The following NACA2 variants were observed in gnomAD, a reference collection of about 807,000 sequenced individuals.
NACA2 encodes the protein nascent polypeptide-associated complex subunit alpha-2.
NACA2 carries 9 observed loss-of-function variants against 15.6 expected under a neutral mutation model. The ratio of observed to expected loss-of-function variants is 0.58; its 90% CI spans 0.35 to 1.00. The LOEUF (loss-of-function observed/expected upper bound fraction) is 1.00. NACA2 is among the 50% of genes least tolerant of loss of function. NACA2 has a pLI of 0.02. For synonymous variants in NACA2, 111 were observed against 100.5 expected, an observed-to-expected ratio of 1.10 and a Z score of -0.62; for missense variants, 258 against 257.5, an observed-to-expected ratio of 1.00 and a Z score of -0.01.
Position 61,591,184 on chromosome 17 carries a change from G to A in NACA2, c.-4C>T, listed in dbSNP as rs772127520. 5 of 1,614,210 alleles carry A rather than the reference G, an allele frequency of 3.1e-6. No homozygotes were observed. In the South Asian group the frequency reaches 4.4e-5, roughly 14 times the overall value. On this transcript the variant is annotated 5_prime_UTR_variant, in exon 1 of 1. Coordinates refer to ENST00000521764, the MANE Select transcript of NACA2 (RefSeq NM_199290.4). The stretch of plus-strand genomic sequence containing the variant: ...TTTCTGTGGCTTCGCCCGGCATTTT[G>A]TGCAGGGAACGCGGAAGCAAGATGG...
chr17:61,590,686 C>A lies in NACA2; in HGVS notation c.495G>T (p.Glu165Asp). 1 of 1,614,182 alleles carries A rather than the reference C, an allele frequency of 6.2e-7. No homozygotes were observed. The highest frequency in any genetic ancestry group is 8.5e-7 in the Non-Finnish European group (1 of 1,180,046). Reference protein sequence around the residue: ...ENTQTPTVQEESEEEEVDETG... With the variant: ...ENTQTPTVQEDSEEEEVDETG... ...TTTCATCGACCTCTTCCTCTTCACT[C>A]TCCTCTTGTACAGTTGGAGTCTGTG... The change falls in exon 1 of 1, where the codon GAG becomes GAT. Residue 165 changes from glutamate (E) to aspartate (D), a missense_variant. Coordinates refer to ENST00000521764, the MANE Select transcript of NACA2 (RefSeq NM_199290.4).
At position 61,590,565 on chromosome 17, in the gene NACA2, T is replaced by C. The variant is rs149784405; in HGVS notation, c.616A>G (p.Ile206Val). 9 of 1,614,082 alleles carry C rather than the reference T, an allele frequency of 5.6e-6. No individual in the cohort carries two copies. The African/African-American group carries it at 1.2e-4, about 22-fold the overall frequency. Residue 206 changes from isoleucine to valine, a missense_variant, in exon 1 of 1, where the codon ATT (isoleucine) becomes GTT (valine). By Grantham distance (29) the Ile-to-Val change is conservative (BLOSUM62 3). Transcript: ENST00000521764. ...GTTAATTCCATAATCGCATTTACAA[T>C]ATCATTACTGTTGTTCTTCAGAGCT... is the stretch of plus-strand genomic sequence containing the variant. Reference protein sequence around the residue: ...VRALKNNSNDIVNAIMELTV With the variant: ...VRALKNNSNDVVNAIMELTV
chr17:61,591,104 C>T lies in NACA2; in HGVS notation c.77G>A (p.Gly26Glu), dbSNP rs1403348752. Residue 26 changes from glycine to glutamate, a missense_variant, in exon 1 of 1, where the codon GGA becomes GAA. By Grantham distance (98) the Gly-to-Glu change is moderately conservative. Transcript: ENST00000521764. ...TGATTCACCACTATCAGATGCTGTT[C>T]CAGACCCTGTCTCAGCCTGGGACTG... ...LPQSQAETGS[G>E]TASDSGESVP... 1.9e-6 allele frequency: 3 copies of T among 1,614,152 alleles called. No individual in the cohort carries two copies. Among genetic ancestry groups the T allele is most frequent in the Admixed American group, 1.7e-5 (1 of 60,010 alleles).
rs554328773 is a variant in NACA2, at chr17:61,591,029, G to C, written c.152C>G (p.Ala51Gly). The C allele has an allele frequency of 3.1e-6, 5 of 1,614,212 alleles. No homozygotes were observed. Among genetic ancestry groups the C allele is most frequent in the Non-Finnish European group, 4.2e-6 (5 of 1,180,044 alleles). The change falls in exon 1 of 1, where the codon GCC (alanine) becomes GGC (glycine). Residue 51 changes from alanine (A) to glycine (G), a missense_variant. Ala to Gly is a moderately conservative substitution (Grantham distance 60). Coordinates refer to ENST00000521764, the MANE Select transcript of NACA2 (RefSeq NM_199290.4). The part of the protein sequence containing the change: ...QDSTQTTTQK[A>G]WLVAAAEIDE... ...AATTTCAGCTGCTGCCACCAGCCAG[G>C]CTTTTTGTGTGGTGGTCTGGGTGGA...
Position 61,590,646 on chromosome 17 carries a change from T to C in NACA2, c.535A>G (p.Lys179Glu). 1 of 1,614,224 alleles carries C rather than the reference T, an allele frequency of 6.2e-7. No homozygotes were observed. The highest frequency in any genetic ancestry group is 8.5e-7 in the Non-Finnish European group (1 of 1,180,034). ...EEVDETGVEVKDVKLVMSQAN... is the reference protein window; with the variant it reads ...EEVDETGVEVEDVKLVMSQAN... ...TGTGACATGACCAATTTCACGTCTT[T>C]AACTTCTACACCTGTTTCATCGACC... The change falls in exon 1 of 1, where the codon AAA (lysine) becomes GAA (glutamate). Residue 179 changes from lysine to glutamate, a missense_variant. Lys to Glu is a moderately conservative substitution (Grantham distance 56). Transcript: ENST00000521764.
Position 61,590,581 on chromosome 17 carries a change from C to G in NACA2, c.600G>C (p.Lys200Asn). 6.2e-7 allele frequency: 1 copy of G among 1,614,182 alleles called. No homozygotes were observed. The highest frequency in any genetic ancestry group is 1.1e-5 in the South Asian group (1 of 91,074). ...CATTTACAATATCATTACTGTTGTTCTTCAGAGCTCGGACTGCCTTTGCTC... is the reference window on the plus strand; with the variant it reads ...CATTTACAATATCATTACTGTTGTTGTTCAGAGCTCGGACTGCCTTTGCTC... ...VSRAKAVRAL[K>N]NNSNDIVNAI... The change falls in exon 1 of 1, where the codon AAG (lysine) becomes AAC (asparagine). Residue 200 changes from lysine (K) to asparagine (N), a missense_variant. Coordinates refer to ENST00000521764, the MANE Select transcript of NACA2 (RefSeq NM_199290.4).
In NACA2 at chr17:61,591,074, GGTACT is replaced by G; in HGVS notation, c.102_106del (p.Val35ArgfsTer3). On this transcript the variant is annotated frameshift_variant, in exon 1 of 1. Coordinates refer to ENST00000521764, the MANE Select transcript of NACA2 (RefSeq NM_199290.4). LOFTEE classifies it high-confidence loss of function. The stretch of plus-strand genomic sequence containing the variant: ...GGTGGAATCCTGTTCTTCAATCCCT[GGTACT>G]GATTCACCACTATCAGATGCTGTTC... 6.2e-7 allele frequency: 1 copy of G among 1,614,238 alleles called. No individual in the cohort carries two copies. The highest frequency in any genetic ancestry group is 1.3e-5 in the African/African-American group (1 of 75,058).
chr17:61,591,219 G>C lies in NACA2; in HGVS notation c.-39C>G. The C allele has an allele frequency of 6.2e-7, 1 of 1,613,170 alleles. No homozygotes were observed. Among genetic ancestry groups the C allele is most frequent in the East Asian group, 2.2e-5 (1 of 44,882 alleles). On this transcript the variant is annotated 5_prime_UTR_variant, in exon 1 of 1. Coordinates refer to ENST00000521764, the MANE Select transcript of NACA2 (RefSeq NM_199290.4). ...CGCGGAAGCAAGATGGCGGCAGAAA[G>C]AGCGCGAGCGAGAGCGTGACCCACG...
rs1176790278 is a variant in NACA2 at position 61,590,748 on chromosome 17, C to A, written c.433G>T (p.Val145Phe). 1.2e-6 allele frequency: 2 copies of A among 1,614,084 alleles called. No homozygotes were observed. Among genetic ancestry groups the A allele is most frequent in the Admixed American group, 3.3e-5 (2 of 60,000 alleles). The change falls in exon 1 of 1, where the codon GTT becomes TTT. Residue 145 changes from valine (V) to phenylalanine (F), a missense_variant. By Grantham distance (50) the Val-to-Phe change is conservative. Coordinates refer to ENST00000521764, the MANE Select transcript of NACA2 (RefSeq NM_199290.4). ...AQLAAAEKFRVQGEAVGNIQE... is the reference protein window; with the variant it reads ...AQLAAAEKFRFQGEAVGNIQE... ...ATGTTTCCGACAGCTTCACCTTGAACTCTGAATTTCTCCGCAGCTGCTAGT... is the reference window on the plus strand; with the variant it reads ...ATGTTTCCGACAGCTTCACCTTGAAATCTGAATTTCTCCGCAGCTGCTAGT...
chr17:61,590,973 T>G lies in NACA2; in HGVS notation c.208A>C (p.Ser70Arg). 6.2e-7 allele frequency: 1 copy of G among 1,614,244 alleles called. No individual in the cohort carries two copies. The highest frequency in any genetic ancestry group is 8.5e-7 in the Non-Finnish European group (1 of 1,180,048). The change falls in exon 1 of 1, where the codon AGT (serine) becomes CGT (arginine). Residue 70 changes from serine to arginine, a missense_variant. Physicochemically the swap from Ser to Arg is moderately radical, Grantham distance 110. Coordinates refer to ENST00000521764, the MANE Select transcript of NACA2 (RefSeq NM_199290.4). ...DEEPVGKAKQ[S>R]RSEKRARKAM... ...TTCCGTGCCCTCTTTTCACTCCGACTCTGTTTTGCTTTACCGACTGGTTCT... is the reference window on the plus strand; with the variant it reads ...TTCCGTGCCCTCTTTTCACTCCGACGCTGTTTTGCTTTACCGACTGGTTCT...
In NACA2 at chr17:61,591,195, G is replaced by A. The variant is rs1422776080; in HGVS notation, c.-15C>T. On this transcript the variant is annotated 5_prime_UTR_variant, in exon 1 of 1. Coordinates refer to ENST00000521764, the MANE Select transcript of NACA2 (RefSeq NM_199290.4). ...TCGCCCGGCATTTTGTGCAGGGAAC[G>A]CGGAAGCAAGATGGCGGCAGAAAGA... 2.2e-5 allele frequency: 35 copies of A among 1,613,970 alleles called. No homozygotes were observed. The highest frequency in any genetic ancestry group is 1.1e-4 in the East Asian group (5 of 44,894).
Position 61,590,944 on chromosome 17 carries a change from A to G in NACA2, c.237T>C (p.Ala79=). 6.2e-7 allele frequency: 1 copy of G among 1,614,252 alleles called. No homozygotes were observed. Among genetic ancestry groups the G allele is most frequent in the South Asian group, 1.1e-5 (1 of 91,086 alleles). Residue 79 remains alanine (A), a synonymous_variant, in exon 1 of 1, where the codon GCT becomes GCC. Transcript: ENST00000521764. ...CCTGTAGAAGACCCAGTTTGGACAT[A>G]GCCTTCCGTGCCCTCTTTTCACTCC... The part of the protein sequence containing the change: ...QSRSEKRARK[A]MSKLGLLQVT...
Position 61,590,687 on chromosome 17 carries a change from T to G in NACA2, c.494A>C (p.Glu165Ala). The G allele has an allele frequency of 6.2e-7, 1 of 1,614,198 alleles. No homozygotes were observed. Among genetic ancestry groups the G allele is most frequent in the East Asian group, 2.2e-5 (1 of 44,880 alleles). The change falls in exon 1 of 1, where the codon GAG becomes GCG. Residue 165 changes from glutamate (E) to alanine (A), a missense_variant. Transcript: ENST00000521764. ...TTCATCGACCTCTTCCTCTTCACTC[T>G]CCTCTTGTACAGTTGGAGTCTGTGT... The part of the protein sequence containing the change: ...ENTQTPTVQE[E>A]SEEEEVDETG...
chr17:61,591,103 TCCA>T lies in NACA2; in HGVS notation c.75_77del (p.Gly26del). The T allele has an allele frequency of 6.2e-7, 1 of 1,614,262 alleles. No homozygotes were observed. Among genetic ancestry groups the T allele is most frequent in the Non-Finnish European group, 8.5e-7 (1 of 1,180,042 alleles). ...CTGATTCACCACTATCAGATGCTGTTCCAGACCCTGTCTCAGCCTGGGACTGCG... is the reference window on the plus strand; with the variant it reads ...CTGATTCACCACTATCAGATGCTGTTGACCCTGTCTCAGCCTGGGACTGCG... On this transcript the variant is annotated inframe_deletion, in exon 1 of 1. Coordinates refer to ENST00000521764, the MANE Select transcript of NACA2 (RefSeq NM_199290.4).
In NACA2 at chr17:61,590,804, G is replaced by T. The variant is rs1232210955; in HGVS notation, c.377C>A (p.Ala126Asp). The change falls in exon 1 of 1, where the codon GCC (alanine) becomes GAC (aspartate). Residue 126 changes from alanine to aspartate, a missense_variant. Transcript: ENST00000521764. ...ASDAYIVFGEAKIQDLSQQAQ... is the reference protein window; with the variant it reads ...ASDAYIVFGEDKIQDLSQQAQ... The stretch of plus-strand genomic sequence containing the variant: ...TTGCTGAGATAAATCTTGGATCTTG[G>T]CTTCCCCAAAAACTATGTAGGCATC... The T allele has an allele frequency of 1.9e-5, 30 of 1,614,062 alleles. No individual in the cohort carries two copies. The highest frequency in any genetic ancestry group is 2.5e-5 in the Non-Finnish European group (30 of 1,180,056).
Position 61,591,005 on chromosome 17 carries a change from A to G in NACA2, c.176T>C (p.Ile59Thr), listed in dbSNP as rs922052559. Residue 59 changes from isoleucine to threonine, a missense_variant, in exon 1 of 1, where the codon ATT becomes ACT. Physicochemically the swap from Ile to Thr is moderately conservative, Grantham distance 89 (BLOSUM62 -1). Transcript: ENST00000521764. ...TGCTTTACCGACTGGTTCTTCATCA[A>G]TTTCAGCTGCTGCCACCAGCCAGGC... ...QKAWLVAAAE[I>T]DEEPVGKAKQ... 1 of 1,613,994 alleles carries G rather than the reference A, an allele frequency of 6.2e-7. No individual in the cohort carries two copies.
rs2060995770 is a variant in NACA2, at chr17:61,590,667, C to G, written c.514G>C (p.Asp172His). ...VQEESEEEEV[D>H]ETGVEVKDVK... is the part of the protein sequence containing the mutation. ...TCTTTAACTTCTACACCTGTTTCAT[C>G]GACCTCTTCCTCTTCACTCTCCTCT... Residue 172 changes from aspartate (D) to histidine (H), a missense_variant, in exon 1 of 1, where the codon GAT becomes CAT. Asp to His is a moderately conservative substitution (Grantham distance 81). Coordinates refer to ENST00000521764, the MANE Select transcript of NACA2 (RefSeq NM_199290.4). 3 of 1,614,192 alleles carry G rather than the reference C, an allele frequency of 1.9e-6. No homozygotes were observed. Among genetic ancestry groups the G allele is most frequent in the Non-Finnish European group, 2.5e-6 (3 of 1,180,038 alleles).
At position 61,591,167 on chromosome 17, in the gene NACA2, G is replaced by C; in HGVS notation, c.14C>G (p.Ala5Gly). The change falls in exon 1 of 1, where the codon GCC becomes GGC. Residue 5 changes from alanine to glycine, a missense_variant. Coordinates refer to ENST00000521764, the MANE Select transcript of NACA2 (RefSeq NM_199290.4). ...CTCTGTAGCAGGGACGGTTTCTGTGGCTTCGCCCGGCATTTTGTGCAGGGA... is the reference window on the plus strand; with the variant it reads ...CTCTGTAGCAGGGACGGTTTCTGTGCCTTCGCCCGGCATTTTGTGCAGGGA... MPGEATETVPATEQE... is the reference protein window; with the variant it reads MPGEGTETVPATEQE... 6.2e-7 allele frequency: 1 copy of C among 1,614,240 alleles called. No homozygotes were observed. Among genetic ancestry groups the C allele is most frequent in the Non-Finnish European group, 8.5e-7 (1 of 1,180,052 alleles).
chr17:61,591,202 C>G lies in NACA2; in HGVS notation c.-22G>C, dbSNP rs759556552. The stretch of plus-strand genomic sequence containing the variant: ...GCATTTTGTGCAGGGAACGCGGAAG[C>G]AAGATGGCGGCAGAAAGAGCGCGAG... On this transcript the variant is annotated 5_prime_UTR_variant, in exon 1 of 1. Coordinates refer to ENST00000521764, the MANE Select transcript of NACA2 (RefSeq NM_199290.4). 25 of 1,613,900 alleles carry G rather than the reference C, an allele frequency of 1.5e-5. No homozygotes were observed. Among genetic ancestry groups the G allele is most frequent in the Non-Finnish European group, 1.8e-5 (21 of 1,180,056 alleles).
Sources: gnomAD v4.1 joint callset for allele counts on GRCh38, gnomAD v4.1.1 for gene constraint, MANE v1.5 for transcripts, NCBI Gene and HGNC (gene_info 2026-07-23, HGNC 2026-07-21) for gene names.